P2RY14: variants seen among roughly 807,000 people sequenced by gnomAD.
The protein encoded by P2RY14 is purinergic receptor P2Y14.
P2RY14 carries 2 observed loss-of-function variants against 0.9 expected under a neutral mutation model. The observed-to-expected ratio is 2.16, with a 90% confidence interval of 0.88 to 6.79. The LOEUF (loss-of-function observed/expected upper bound fraction) is 6.79, where lower values mean the gene tolerates loss of function less well. P2RY14 is among the 30% of genes most tolerant of loss of function. The pLI is 0.05. For missense variants in P2RY14, 378 were observed against 400.1 expected, an observed-to-expected ratio of 0.94 and a Z score of 0.47; for synonymous variants, 158 against 147.2, an observed-to-expected ratio of 1.07 and a Z score of -0.53.
At chr3:151,247,720 C>T (rs539630855) in intron 1 of P2RY14, among the ~76,000 whole-genome samples, 1 of 148,072 alleles carries the variant, frequency 6.8e-6, no homozygotes, top group African/African-American at 2.5e-5. Flanking sequence ...ATGTAACTAA[C>T]CTGCACAATG....
chr3:151,225,871 C>T (rs1033586821), intron 1 of P2RY14, among the ~76,000 whole-genome samples: 2 of 152,200 alleles, frequency 1.3e-5, no homozygotes, highest in African/African-American at 4.8e-5. Flanking sequence ...TTCCTGACCT[C>T]TTTGCTTGCA....
At position 151,212,729 on chromosome 3, in the gene P2RY14, G is replaced by A. The variant is rs1727382065; in HGVS notation, c.*571C>T. The A allele has an allele frequency of 6.6e-6, 1 of 151,792 alleles. No individual in the cohort carries two copies. The highest frequency in any genetic ancestry group is 1.5e-5 in the Non-Finnish European group (1 of 67,994). The allele number at this position is 151,792 out of a possible 1,614,324, so 9.4% of individuals were successfully genotyped here. A position where few individuals can be genotyped will look rare whatever the true frequency, so the allele number is the denominator to read the frequency against. On this transcript the variant is annotated 3_prime_UTR_variant, in exon 3 of 3. Coordinates refer to ENST00000309170, the MANE Select transcript of P2RY14 (RefSeq NM_014879.4). ...CAATTAATATTCCTCTTCCTTTGCAGTGCCATGAAATACATCAATAAGGGG... is the reference window on the plus strand; with the variant it reads ...CAATTAATATTCCTCTTCCTTTGCAATGCCATGAAATACATCAATAAGGGG...
At chr3:151,247,607 T>G (rs1343277030) in intron 1 of P2RY14, among the ~76,000 whole-genome samples, 1 of 80,498 alleles carries the variant, frequency 1.2e-5, no homozygotes, top group Non-Finnish European at 2.5e-5. Context: ...CTCCGGGGAC[T>G]GTTGTGGGGT....
At chr3:151,275,461 C>T (rs1464675331) in intron 1 of P2RY14, among the ~76,000 whole-genome samples, 1 of 152,050 alleles carries the variant, frequency 6.6e-6, no homozygotes, top group Non-Finnish European at 1.5e-5. Flanking sequence ...AAATAAAAAG[C>T]TAGCAATTTA....
At chr3:151,270,196 CGT>C (rs55920434) in intron 1 of P2RY14, 1,328 of 129,682 alleles carry the variant, frequency 0.01, 23 homozygotes, top group South Asian at 0.029. Flanking sequence ...AGCAAGCTGT[CGT>C]GTGTGTGTGT....
chr3:151,245,343 T>TTA (rs1735175876), intron 1 of P2RY14, among the ~76,000 whole-genome samples: 1 of 151,848 alleles, frequency 6.6e-6, no homozygotes, highest in East Asian at 1.9e-4. Flanking sequence ...CCAATATCCT[T>TTA]GATGAACATT....
chr3:151,274,485 C>G (rs1260060273), intron 1 of P2RY14, among the ~76,000 whole-genome samples: 1 of 152,078 alleles, frequency 6.6e-6, no homozygotes, highest in African/African-American at 2.4e-5. Context: ...CATAGGTAGG[C>G]AGTTTTGGGG....
chr3:151,237,533 T>C (rs1577068949), intron 1 of P2RY14, among the ~76,000 whole-genome samples: 1 of 151,310 alleles, frequency 6.6e-6, no homozygotes, highest in South Asian at 2.1e-4. Flanking sequence ...GTATTTTTAG[T>C]GGAGATGGGG....
rs186892087 is a variant in P2RY14 at position 151,261,860 on chromosome 3, G to T, written c.-133+16427C>A. Among the ~76,000 whole-genome samples, 8 of 152,192 alleles carry T rather than the reference G, an allele frequency of 5.3e-5. No individual in the cohort carries two copies. The East Asian group carries it at 1.2e-3, about 22-fold the overall frequency. ...GTGCCTCAGCCTCCCGAGTAGCTGG[G>T]ACTACAGGCGTTCGTCACCATGCCT... On this transcript the variant is annotated intron_variant, in intron 1 of 2. Coordinates refer to ENST00000309170, the MANE Select transcript of P2RY14 (RefSeq NM_014879.4).
chr3:151,224,676 C>G (rs570191890), intron 1 of P2RY14, among the ~76,000 whole-genome samples: 8 of 152,318 alleles, frequency 5.3e-5, no homozygotes, highest in African/African-American at 1.9e-4. Flanking sequence ...CCTCCCACCC[C>G]CTATCTTTTG....
At chr3:151,258,368 A>G (rs1054550699) in intron 1 of P2RY14, among the ~76,000 whole-genome samples, 2 of 152,160 alleles carry the variant, frequency 1.3e-5, no homozygotes, top group Non-Finnish European at 2.9e-5. Flanking sequence ...TAATGTGGTC[A>G]TTGTGTATAA....
intron 2 of P2RY14, among the ~76,000 whole-genome samples, chr3:151,214,633 T>G (rs1727846161): frequency 6.6e-6 from 1 of 150,952 alleles, no homozygotes; most frequent in Non-Finnish European, 1.5e-5. Flanking sequence ...CTTCTTCCTT[T>G]TTTTTGGGCA....
Position 151,214,232 on chromosome 3 carries a change from A to G in P2RY14, c.85T>C (p.Tyr29His). The change falls in exon 3 of 3, where the codon TAC becomes CAC. Residue 29 changes from tyrosine to histidine, a missense_variant. Coordinates refer to ENST00000309170, the MANE Select transcript of P2RY14 (RefSeq NM_014879.4). ...LITQQIIPVLYCMVFIAGILL... is the reference protein window; with the variant it reads ...LITQQIIPVLHCMVFIAGILL... ...ATTCCTGCAATGAAGACCATACAGT[A>G]CAGCACAGGAATGATCTGCTGAGTG... The G allele has an allele frequency of 6.2e-7, 1 of 1,613,954 alleles. No individual in the cohort carries two copies. The highest frequency in any genetic ancestry group is 8.5e-7 in the Non-Finnish European group (1 of 1,179,834).
intron 2 of P2RY14, 34 bp from the exon 3 acceptor site, chr3:151,214,374 C>T (rs1272877104): frequency 4.4e-6 from 6 of 1,378,712 alleles, no homozygotes; most frequent in Non-Finnish European, 6.0e-6. Context: ...ACTCATAGGG[C>T]ACTTATGGCC....
intron 1 of P2RY14, among the ~76,000 whole-genome samples, chr3:151,268,671 T>A (rs1287464914): frequency 6.6e-6 from 1 of 152,214 alleles, no homozygotes; most frequent in Non-Finnish European, 1.5e-5. Context: ...GAGCCTTTAG[T>A]AAGCTTTGAA....
Position 151,212,610 on chromosome 3 carries a change from T to A in P2RY14, c.*690A>T, listed in dbSNP as rs1274426330. On this transcript the variant is annotated 3_prime_UTR_variant, in exon 3 of 3. Transcript: ENST00000309170. ...TTCTAACACCAGAACCCCAGGCTCA[T>A]TAAATGACGTAAGTCTTTGTAGAAA... 1 of 152,176 alleles carries A rather than the reference T, an allele frequency of 6.6e-6. No individual in the cohort carries two copies. The highest frequency in any genetic ancestry group is 1.5e-5 in the Non-Finnish European group (1 of 68,030). The allele number at this position is 152,176 out of a possible 1,614,324, so 9.4% of individuals were successfully genotyped here.
chr3:151,272,367 A>T (rs1053930542), intron 1 of P2RY14, among the ~76,000 whole-genome samples: 3 of 152,238 alleles, frequency 2.0e-5, no homozygotes, highest in African/African-American at 7.2e-5. Flanking sequence ...TCTACTCAGT[A>T]TATCATTCCC....
At chr3:151,230,206 C>T (rs1731372405) in intron 1 of P2RY14, among the ~76,000 whole-genome samples, 1 of 152,204 alleles carries the variant, frequency 6.6e-6, no homozygotes, top group African/African-American at 2.4e-5. Context: ...GATCTCCTGA[C>T]CTTGTGATCC....
At chr3:151,259,628 T>C (rs906277429) in intron 1 of P2RY14, among the ~76,000 whole-genome samples, 3 of 152,182 alleles carry the variant, frequency 2.0e-5, no homozygotes, top group African/African-American at 7.2e-5. Flanking sequence ...CATCTGAAAA[T>C]GAGCCTCAAG....
Sources: allele counts gnomAD v4.1 joint callset (sites outside exome capture counted in the v4.1 genomes callset), GRCh38; gene constraint gnomAD v4.1.1; transcripts MANE v1.5; gene names NCBI Gene and HGNC (gene_info 2026-07-23, HGNC 2026-07-21).